DNTT: variants seen among roughly 807,000 people sequenced by gnomAD.
DNTT encodes the protein DNA nucleotidylexotransferase.
Under a neutral mutation model 60.9 loss-of-function variants are expected in DNTT, and 47 were observed. The observed-to-expected ratio is 0.77, with a 90% CI of 0.61 to 0.98. DNTT has a LOEUF of 0.98. Ranked by LOEUF, DNTT falls within the 50% of genes least tolerant of loss-of-function variation. The pLI, the probability that DNTT is intolerant of heterozygous loss-of-function variation, is 0.00. For synonymous variants in DNTT, 224 were observed against 221.2 expected (o/e 1.01, Z -0.11); for missense variants, 665 against 627.5 (o/e 1.06, Z -0.64).
intron 10 of DNTT, among the ~76,000 whole-genome samples, chr10:96,337,827 C>A (rs1451100428): frequency 6.6e-6 from 1 of 152,208 alleles, no homozygotes; most frequent in Non-Finnish European, 1.5e-5. Flanking sequence ...GCTCAAGCTT[C>A]AATGTTTATT....
At chr10:96,311,486 G>A (rs1844713114) in intron 1 of DNTT, among the ~76,000 whole-genome samples, 1 of 152,186 alleles carries the variant, frequency 6.6e-6, no homozygotes, top group Admixed American at 6.5e-5. Context: ...GGAAGAACAG[G>A]GAAATTATTG....
At position 96,327,461 on chromosome 10, in the gene DNTT, C is replaced by G. The variant is rs1164431793; in HGVS notation, c.875-7C>G. ...TCTCTCCATTGACCTGTCAAATGGCCTCTCAGGATTTCTGTATTATGAAGA... is the reference window on the plus strand; with the variant it reads ...TCTCTCCATTGACCTGTCAAATGGCGTCTCAGGATTTCTGTATTATGAAGA... On this transcript the variant is annotated splice_region_variant and splice_polypyrimidine_tract_variant and intron_variant, in intron 6 of 10. Coordinates refer to ENST00000371174, the MANE Select transcript of DNTT (RefSeq NM_004088.4). 8.7e-6 allele frequency: 14 copies of G among 1,613,916 alleles called. No individual in the cohort carries two copies. In the East Asian group the frequency reaches 3.1e-4, roughly 36 times the overall value.
At chr10:96,334,861 ATTT>A (rs1845048976) in intron 9 of DNTT, among the ~76,000 whole-genome samples, 2 of 152,194 alleles carry the variant, frequency 1.3e-5, no homozygotes, top group African/African-American at 2.4e-5. Context: ...AGTGGTTGAC[ATTT>A]GCCCATTTTA....
chr10:96,319,182 A>G (rs1844830703), intron 2 of DNTT, 80 bp from the exon 3 acceptor site: 2 of 1,510,106 alleles, frequency 1.3e-6, no homozygotes, highest in Non-Finnish European at 1.8e-6. Flanking sequence ...ACTACAGACA[A>G]CTACTTCCAA....
At chr10:96,317,938 C>T (rs1483065890) in intron 1 of DNTT, among the ~76,000 whole-genome samples, 10 of 152,162 alleles carry the variant, frequency 6.6e-5, no homozygotes, top group Admixed American at 5.9e-4. Flanking sequence ...TAATATAAAA[C>T]GTATTTCTAA....
chr10:96,310,192 T>C (rs1844698067), intron 1 of DNTT, among the ~76,000 whole-genome samples: 2 of 152,234 alleles, frequency 1.3e-5, no homozygotes, highest in African/African-American at 4.8e-5. Flanking sequence ...AAAAGTCTCA[T>C]GCCTTTTGTT....
At chr10:96,307,771 A>AT (rs1442892743) in intron 1 of DNTT, among the ~76,000 whole-genome samples, 1,411 of 107,786 alleles carry the variant, frequency 0.013, 64 homozygotes, top group East Asian at 0.089. Flanking sequence ...ATATATATAT[A>AT]TATATATTTT....
chr10:96,306,108 T>TTTTTG (rs1589367276), intron 1 of DNTT, among the ~76,000 whole-genome samples: 1 of 150,452 alleles, frequency 6.6e-6, no homozygotes, highest in Non-Finnish European at 1.5e-5. Context: ...TTTTTTTTTT[T>TTTTTG]TTTGAGACAG....
intron 1 of DNTT, among the ~76,000 whole-genome samples, chr10:96,314,550 C>T (rs561421359): frequency 6.6e-6 from 1 of 150,638 alleles, no homozygotes; most frequent in Non-Finnish European, 1.5e-5. Flanking sequence ...GTAGCTGGGA[C>T]TACAGGCGCG....
chr10:96,310,985 TTTAAA>T (rs1844708443), intron 1 of DNTT, among the ~76,000 whole-genome samples: 1 of 152,324 alleles, frequency 6.6e-6, no homozygotes, highest in East Asian at 1.9e-4. Context: ...AATTTGCGGC[TTTAAA>T]TTAACAAAAA....
At chr10:96,307,777 A>ATATATATAT (rs768634575) in intron 1 of DNTT, among the ~76,000 whole-genome samples, 10 of 126,020 alleles carry the variant, frequency 7.9e-5, no homozygotes, top group African/African-American at 2.5e-4. Flanking sequence ...ATATATATAT[A>ATATATATAT]TTTTTTTTTT....
chr10:96,324,472 C>A, intron 6 of DNTT, 83 bp downstream of exon 6: 1 of 1,571,852 alleles, frequency 6.4e-7, no homozygotes. Flanking sequence ...ACTGCAACTC[C>A]AATCTGGGAG....
At chr10:96,316,422 C>CT (rs1479053917) in intron 1 of DNTT, among the ~76,000 whole-genome samples, 1 of 152,162 alleles carries the variant, frequency 6.6e-6, no homozygotes, top group Non-Finnish European at 1.5e-5. Flanking sequence ...CCAGACTCGT[C>CT]TTTTAAAATA....
intron 10 of DNTT, 36 bp downstream of exon 10, chr10:96,336,010 C>G (rs762854445): frequency 6.2e-7 from 1 of 1,606,702 alleles, no homozygotes; most frequent in Admixed American, 1.7e-5. Context: ...TACTTTGATC[C>G]TCATCCCCAA....
Position 96,338,241 on chromosome 10 carries a change from T to C in DNTT, c.*17T>C. ...AATGCCTAGGAAAGTGTTGTCAACATTTTTTTCCTATTCTTTTCAAGTTAA... is the reference window on the plus strand; with the variant it reads ...AATGCCTAGGAAAGTGTTGTCAACACTTTTTTCCTATTCTTTTCAAGTTAA... On this transcript the variant is annotated 3_prime_UTR_variant, in exon 11 of 11. Coordinates refer to ENST00000371174, the MANE Select transcript of DNTT (RefSeq NM_004088.4). 6.3e-7 allele frequency: 1 copy of C among 1,592,800 alleles called. No individual in the cohort carries two copies. The highest frequency in any genetic ancestry group is 1.1e-5 in the South Asian group (1 of 86,980).
In DNTT at chr10:96,307,734, A is replaced by ATATAT. The variant is rs1564868534; in HGVS notation, c.203+3034_203+3035insTATAT. On this transcript the variant is annotated intron_variant, in intron 1 of 10. Coordinates refer to ENST00000371174, the MANE Select transcript of DNTT (RefSeq NM_004088.4). ...ATATATATATATATATATATATATA[A>ATATAT]GCATATATATGTGTGTGTGTGTGCA... Among the ~76,000 whole-genome samples, 467 of 72,484 alleles carry ATATAT rather than the reference A, an allele frequency of 6.4e-3. 3 individuals are homozygous for ATATAT. Among genetic ancestry groups the ATATAT allele is most frequent in the African/African-American group, 0.012 (281 of 23,450 alleles). The allele number at this position is 72,484 out of a possible 152,430, so 47.6% of individuals were successfully genotyped here.
rs1322176668 is a variant in DNTT at position 96,328,761 on chromosome 10, T to C, written c.1044T>C (p.Ile348=). The change falls in exon 8 of 11, where the codon ATT becomes ATC. Residue 348 remains isoleucine, a synonymous_variant. Transcript: ENST00000371174. ...KKMGHDVDFL[I]TSPGSTEDEE... Reference sequence around the variant, plus strand: ...TGGGGCATGATGTAGATTTTTTAATTACCAGCCCAGGATCAACAGAGGATG... The same window carrying C: ...TGGGGCATGATGTAGATTTTTTAATCACCAGCCCAGGATCAACAGAGGATG... The C allele has an allele frequency of 1.2e-6, 2 of 1,613,828 alleles. No individual in the cohort carries two copies. The highest frequency in any genetic ancestry group is 8.5e-7 in the Non-Finnish European group (1 of 1,179,938).
In DNTT at chr10:96,326,011, G is replaced by A. The variant is rs768349499; in HGVS notation, c.875-1457G>A. ...ATAAGTTTCCTGTAATAAGTTAGTC[G>A]CCTTGCCATACCAAAAAGGAAAGCC... On this transcript the variant is annotated intron_variant, in intron 6 of 10. Transcript: ENST00000371174. Among the ~76,000 whole-genome samples the A allele has an allele frequency of 9.2e-5, 14 of 152,228 alleles. 1 individual carries two copies. Among genetic ancestry groups the A allele is most frequent in the African/African-American group, 1.9e-4 (8 of 41,528 alleles).
In DNTT at chr10:96,318,497, G is replaced by C; in HGVS notation, c.349G>C (p.Val117Leu). ...LIECIRAGKP[V>L]EMTGKHQLVV... ...CGAATGCATAAGAGCAGGGAAACCG[G>C]TGGAAATGACAGGAAAACACCAGCT... is the stretch of plus-strand genomic sequence containing the variant. The change falls in exon 2 of 11, where the codon GTG (valine) becomes CTG (leucine). Residue 117 changes from valine to leucine, a missense_variant. Coordinates refer to ENST00000371174, the MANE Select transcript of DNTT (RefSeq NM_004088.4). The C allele has an allele frequency of 6.2e-7, 1 of 1,613,618 alleles. No individual in the cohort carries two copies. The highest frequency in any genetic ancestry group is 8.5e-7 in the Non-Finnish European group (1 of 1,179,718).
Sources: allele counts gnomAD v4.1 joint callset (sites outside exome capture counted in the v4.1 genomes callset), GRCh38; gene constraint gnomAD v4.1.1; transcripts MANE v1.5; gene names NCBI Gene and HGNC (gene_info 2026-07-23, HGNC 2026-07-21).